The following KRIT1 variants were observed in gnomAD, a reference collection of about 807,000 sequenced individuals.
KRIT1 encodes KRIT1 ankyrin repeat containing.
A neutral mutation model predicts 95.8 loss-of-function variants in KRIT1; 45 were observed. The ratio of observed to expected loss-of-function variants is 0.47; its 90% CI spans 0.37 to 0.60. The LOEUF is 0.60. KRIT1 is among the 20% of genes least tolerant of loss of function. KRIT1 has a pLI of 0.00. For synonymous variants in KRIT1, 282 were observed against 278.8 expected (o/e 1.01, Z -0.11); for missense variants, 788 against 877.5 (o/e 0.90, Z 1.29).
In KRIT1 at chr7:92,235,555, G is replaced by T; in HGVS notation, c.577C>A (p.Pro193Thr). The T allele has an allele frequency of 6.2e-7, 1 of 1,613,870 alleles. No homozygotes were observed. The highest frequency in any genetic ancestry group is 2.2e-5 in the East Asian group (1 of 44,836). The change falls in exon 8 of 19, where the codon CCT (proline) becomes ACT (threonine). Residue 193 changes from proline (P) to threonine (T), a missense_variant. Physicochemically the swap from Pro to Thr is conservative, Grantham distance 38 (BLOSUM62 -1). Coordinates refer to ENST00000394505, the MANE Select transcript of KRIT1 (RefSeq NM_194454.3). ...LERIKTNVIN[P>T]AYATESGQTE... is the part of the protein sequence containing the mutation. ...TGACCTGATTCAGTAGCATATGCAG[G>T]ATTTATGACATTAGTTTTTATCCGC...
intron 17 of KRIT1, among the ~76,000 whole-genome samples, chr7:92,202,563 C>T (rs902669364): frequency 1.3e-5 from 2 of 152,030 alleles, no homozygotes; most frequent in African/African-American, 4.8e-5. Flanking sequence ...CTATAAATAC[C>T]AATTCTTATA....
intron 17 of KRIT1, chr7:92,202,288 T>C (rs1790358345): frequency 6.6e-6 from 1 of 152,216 alleles, no homozygotes; most frequent in African/African-American, 2.4e-5. Context: ...AGAACTGTAA[T>C]TGATTGTGAT....
Position 92,236,542 on chromosome 7 carries a change from T to C in KRIT1, c.356A>G (p.Asp119Gly), listed in dbSNP as rs1469867475. The C allele has an allele frequency of 1.3e-6, 2 of 1,529,576 alleles. No homozygotes were observed. The highest frequency in any genetic ancestry group is 1.4e-5 in the African/African-American group (1 of 73,220). The allele number at this position is 1,529,576 out of a possible 1,614,324, so 94.8% of individuals were successfully genotyped here. A position where few individuals can be genotyped will look rare whatever the true frequency, so the allele number is the denominator to read the frequency against. ...TGGGGTATATGTGTATTTAGTATTA[T>C]CTGAAAAAGAAAAATGAAGAATTAT... ...SLFIVPSVVK[D>G]NTKYTYTPGC... Residue 119 changes from aspartate to glycine, a missense_variant and splice_region_variant, in exon 7 of 19, where the codon GAT (aspartate) becomes GGT (glycine). Around this residue, in one of 3 missense-constraint regions of KRIT1, gnomAD observed 289 missense variants for 277.5 expected, o/e 1.04. Transcript: ENST00000394505.
At position 92,222,808 on chromosome 7, in the gene KRIT1, A is replaced by G. The variant is rs1450901829; in HGVS notation, c.1411+14T>C. ...ATAATGAGGTTTACTATAACATAAT[A>G]AAAACTTTCTTACTGAGGTTTTCTG... On this transcript the variant is annotated intron_variant, in intron 13 of 18. Coordinates refer to ENST00000394505, the MANE Select transcript of KRIT1 (RefSeq NM_194454.3). 1.3e-6 allele frequency: 2 copies of G among 1,543,176 alleles called. No homozygotes were observed. Among genetic ancestry groups the G allele is most frequent in the African/African-American group, 1.4e-5 (1 of 73,586 alleles).
At chr7:92,217,034 C>T (rs1002593056) in intron 14 of KRIT1, among the ~76,000 whole-genome samples, 5 of 152,170 alleles carry the variant, frequency 3.3e-5, no homozygotes, top group African/African-American at 1.2e-4. Context: ...AACTGCCTTA[C>T]CAGATTATCA....
intron 10 of KRIT1, among the ~76,000 whole-genome samples, chr7:92,230,322 A>T (rs1192632140): frequency 6.6e-6 from 1 of 152,154 alleles, no homozygotes; most frequent in African/African-American, 2.4e-5. Context: ...ACAGGTCTGG[A>T]TCACAGAATG....
Position 92,213,366 on chromosome 7 carries a change from C to A in KRIT1, c.1854G>T (p.Met618Ile). ...LSTSEGVSKE[M>I]HHLQRMFLQN... is the part of the protein sequence containing the mutation. Reference sequence around the variant, plus strand: ...GTAAGAACATGCGCTGAAGGTGATGCATTTCTTTACTGACACCTTCACTTG... The same window carrying A: ...GTAAGAACATGCGCTGAAGGTGATGAATTTCTTTACTGACACCTTCACTTG... The change falls in exon 17 of 19, where the codon ATG becomes ATT. Residue 618 changes from methionine (M) to isoleucine (I), a missense_variant. This residue lies in a region of KRIT1 where 493 missense variants were observed against 582.3 expected (regional missense o/e 0.85). Coordinates refer to ENST00000394505, the MANE Select transcript of KRIT1 (RefSeq NM_194454.3). 1.2e-6 allele frequency: 2 copies of A among 1,612,616 alleles called. No homozygotes were observed. Among genetic ancestry groups the A allele is most frequent in the Non-Finnish European group, 1.7e-6 (2 of 1,178,812 alleles).
At chr7:92,228,989 T>C (rs767375949) in intron 10 of KRIT1, among the ~76,000 whole-genome samples, 16 of 152,256 alleles carry the variant, frequency 1.1e-4, no homozygotes. Flanking sequence ...TCTGTTATCA[T>C]GGACCTTTAG....
At position 92,200,519 on chromosome 7, in the gene KRIT1, AATTTTTGT is replaced by A; in HGVS notation, c.*209_*216del. 1 of 503,004 alleles carries A rather than the reference AATTTTTGT, an allele frequency of 2.0e-6. No homozygotes were observed. The highest frequency in any genetic ancestry group is 3.8e-5 in the East Asian group (1 of 26,218). 31.2% of individuals were successfully genotyped at this position (503,004 alleles called of 1,614,324 possible). On this transcript the variant is annotated 3_prime_UTR_variant, in exon 19 of 19. Coordinates refer to ENST00000394505, the MANE Select transcript of KRIT1 (RefSeq NM_194454.3). ...TAGGCGCCCGCCACCACACCCAGCT[AATTTTTGT>A]ATTTTTGTAGAGACAGGGTTTCACC...
intron 10 of KRIT1, among the ~76,000 whole-genome samples, chr7:92,232,191 G>GT (rs1295867890): frequency 6.6e-6 from 1 of 152,188 alleles, no homozygotes; most frequent in Non-Finnish European, 1.5e-5. Flanking sequence ...GCCTTCCAAA[G>GT]TGCTGGGATT....
At chr7:92,239,582 C>T (rs991113261) in intron 5 of KRIT1, among the ~76,000 whole-genome samples, 6 of 152,158 alleles carry the variant, frequency 3.9e-5, no homozygotes, top group Non-Finnish European at 7.4e-5. Context: ...GGATAGCTCC[C>T]TCCACCTTTT....
chr7:92,204,265 A>T (rs539380369), intron 17 of KRIT1, among the ~76,000 whole-genome samples: 40 of 143,234 alleles, frequency 2.8e-4, no homozygotes, highest in Admixed American at 1.3e-3. Flanking sequence ...TGTCCCAAGG[A>T]AAAAAAAAAA....
intron 10 of KRIT1, among the ~76,000 whole-genome samples, chr7:92,230,286 A>G (rs1019802527): frequency 6.6e-6 from 1 of 152,278 alleles, no homozygotes; most frequent in Admixed American, 6.5e-5. Flanking sequence ...CAGTTTTCTG[A>G]ATCTTAGTAG....
In KRIT1 at chr7:92,237,664, T is replaced by C. The variant is rs776886721; in HGVS notation, c.355+3A>G. 6 of 1,552,292 alleles carry C rather than the reference T, an allele frequency of 3.9e-6. No individual in the cohort carries two copies. The South Asian group carries it at 6.7e-5, about 17-fold the overall frequency. On this transcript the variant is annotated splice_donor_region_variant and intron_variant, in intron 6 of 18. Transcript: ENST00000394505. Reference sequence around the variant, plus strand: ...AGATTTGTAAGATACATTTAGACTTTACCTTTGACAACTGATGGAACAATA... The same window carrying C: ...AGATTTGTAAGATACATTTAGACTTCACCTTTGACAACTGATGGAACAATA...
At chr7:92,232,516 A>G (rs530506043) in intron 10 of KRIT1, among the ~76,000 whole-genome samples, 45 of 129,714 alleles carry the variant, frequency 3.5e-4, no homozygotes, top group South Asian at 1.8e-3. Flanking sequence ...TTAGAGGGGG[A>G]AAAAAAAAAA....
chr7:92,226,961 A>G (rs1406901582), intron 10 of KRIT1, among the ~76,000 whole-genome samples: 3 of 152,232 alleles, frequency 2.0e-5, no homozygotes, highest in Non-Finnish European at 4.4e-5. Context: ...CGACAGAGAA[A>G]CATCCCATGT....
chr7:92,221,148 T>A (rs1416535069), intron 14 of KRIT1, among the ~76,000 whole-genome samples: 1 of 152,258 alleles, frequency 6.6e-6, no homozygotes, highest in East Asian at 1.9e-4. Flanking sequence ...TAAGATGAGC[T>A]ACTTAGGCTA....
rs1024315653 is a variant in KRIT1, at chr7:92,236,675, G to C, written c.356-133C>G. 2.0e-5 allele frequency: 13 copies of C among 661,574 alleles called. No homozygotes were observed. In the African/African-American group the frequency reaches 2.4e-4, roughly 12 times the overall value. 41.0% of individuals were successfully genotyped at this position (661,574 alleles called of 1,614,324 possible). ...AATTGTTCTAGATTTGGAATTAGAA[G>C]GCCTGGATTCAAGTGATGACTAGCT... On this transcript the variant is annotated intron_variant, in intron 6 of 18. Coordinates refer to ENST00000394505, the MANE Select transcript of KRIT1 (RefSeq NM_194454.3).
At position 92,200,319 on chromosome 7, in the gene KRIT1, A is replaced by C. The variant is rs1228806490; in HGVS notation, c.*417T>G. On this transcript the variant is annotated 3_prime_UTR_variant, in exon 19 of 19. Coordinates refer to ENST00000394505, the MANE Select transcript of KRIT1 (RefSeq NM_194454.3). ...GATTCTGTACAATGTAATAGTATAC[A>C]TATATATTACAAGAGACTATATGCC... 1 of 247,938 alleles carries C rather than the reference A, an allele frequency of 4.0e-6. No homozygotes were observed. Among genetic ancestry groups the C allele is most frequent in the Non-Finnish European group, 8.0e-6 (1 of 125,758 alleles). 15.4% of individuals were successfully genotyped at this position (247,938 alleles called of 1,614,324 possible).
Sources: gnomAD v4.1 joint callset for allele counts (sites outside exome capture counted in the v4.1 genomes callset) on GRCh38, gnomAD v4.1.1 for gene constraint, gnomAD v4.1.1 regional missense constraint, MANE v1.5 for transcripts, NCBI Gene and HGNC (gene_info 2026-07-23, HGNC 2026-07-21) for gene names.